Variants in TBC1D2B observed in about 807,000 individuals in gnomAD.
TBC1D2B encodes TBC1 domain family member 2B.
A neutral mutation model predicts 100.8 loss-of-function variants in TBC1D2B; 64 were observed. The ratio of observed to expected loss-of-function variants is 0.64; its 90% CI spans 0.52 to 0.78. The LOEUF (loss-of-function observed/expected upper bound fraction) is 0.78. Ranked by LOEUF, TBC1D2B falls within the 30% of genes least tolerant of loss-of-function variation. The pLI is 0.00. For synonymous variants in TBC1D2B, 480 were observed against 479.7 expected (o/e 1.00, Z -0.01); for missense variants, 1,052 against 1,218.4 (o/e 0.86, Z 2.03).
intron 7 of TBC1D2B, 65 bp from the exon 8 acceptor site, chr15:78,016,804 G>A (rs184240517): frequency 1.0e-5 from 14 of 1,339,094 alleles, no homozygotes; most frequent in African/African-American, 6.0e-5. Flanking sequence ...CTTTAGGTAC[G>A]CAAATGACCA....
chr15:77,998,694 C>A (rs959193581), intron 12 of TBC1D2B: 31 of 240,312 alleles, frequency 1.3e-4, no homozygotes, highest in African/African-American at 6.5e-4. Flanking sequence ...CGTGTTCCCA[C>A]ACATAAGCCC....
intron 1 of TBC1D2B, among the ~76,000 whole-genome samples, chr15:78,056,851 G>C (rs1002041477): frequency 9.2e-5 from 14 of 152,094 alleles, no homozygotes; most frequent in African/African-American, 3.4e-4. Flanking sequence ...GAATGTGCGT[G>C]TGTGGTCCTC....
At chr15:78,016,451 C>T in intron 8 of TBC1D2B, 95 bp downstream of exon 8, 1 of 1,167,334 alleles carries the variant, frequency 8.6e-7, no homozygotes, top group Non-Finnish European at 1.2e-6. Flanking sequence ...ATGAGACACA[C>T]AGTTGTGTAC....
chr15:78,022,574 T>C (rs762691271), intron 6 of TBC1D2B, among the ~76,000 whole-genome samples: 1 of 151,974 alleles, frequency 6.6e-6, no homozygotes, highest in Non-Finnish European at 1.5e-5. Flanking sequence ...CAACGGGGTC[T>C]CACTTTGTCA....
intron 1 of TBC1D2B, among the ~76,000 whole-genome samples, chr15:78,059,369 G>A (rs2073494368): frequency 6.6e-6 from 1 of 152,196 alleles, no homozygotes; most frequent in Non-Finnish European, 1.5e-5. Flanking sequence ...CAATACTGCT[G>A]AAATCCCAGG....
At chr15:78,047,163 CTT>C (rs540479850) in intron 2 of TBC1D2B, among the ~76,000 whole-genome samples, 47 of 136,836 alleles carry the variant, frequency 3.4e-4, no homozygotes, top group Non-Finnish European at 3.7e-4. Context: ...AGAGTATACA[CTT>C]TTTTTTTTTT....
At chr15:78,003,252 C>T (rs1488777706) in intron 11 of TBC1D2B, 53 bp downstream of exon 11, 4 of 1,541,152 alleles carry the variant, frequency 2.6e-6, no homozygotes, top group Non-Finnish European at 3.6e-6. Flanking sequence ...ACCAACGCTG[C>T]TGACGGTTGT....
chr15:78,005,935 AC>A (rs765807021), intron 10 of TBC1D2B, among the ~76,000 whole-genome samples: 3 of 152,236 alleles, frequency 2.0e-5, no homozygotes, highest in Non-Finnish European at 2.9e-5. Flanking sequence ...TAACAATACT[AC>A]CAACTTTTAT....
intron 3 of TBC1D2B, among the ~76,000 whole-genome samples, chr15:78,043,877 T>A (rs1317991786): frequency 6.6e-6 from 1 of 151,394 alleles, no homozygotes; most frequent in Non-Finnish European, 1.5e-5. Context: ...AATAAATAAA[T>A]AAAATATTAG....
chr15:78,058,137 A>ATG, intron 1 of TBC1D2B, among the ~76,000 whole-genome samples: 2 of 152,362 alleles, frequency 1.3e-5, no homozygotes, highest in South Asian at 4.1e-4. Flanking sequence ...TACTGGTTTA[A>ATG]TGTGGCTCAT....
Position 78,024,236 on chromosome 15 carries a change from C to G in TBC1D2B, c.1390G>C (p.Gly464Arg). The change falls in exon 6 of 13, where the codon GGG becomes CGG. Residue 464 changes from glycine (G) to arginine (R), a missense_variant. By Grantham distance (125) the Gly-to-Arg change is moderately radical. Around this residue, in one of 4 missense-constraint regions of TBC1D2B, gnomAD observed 627 missense variants for 646.1 expected, o/e 0.97. Coordinates refer to ENST00000300584, the MANE Select transcript of TBC1D2B (RefSeq NM_144572.2). The stretch of plus-strand genomic sequence containing the variant: ...CTGGGCGCCACGGTGGGAGGAGGCC[C>G]GTTGCCCTCGCCCTCGCTGAGCTTG... Reference protein sequence around the residue: ...IIKLSEGEGNGPPPTVAPSSP... With the variant: ...IIKLSEGEGNRPPPTVAPSSP... The G allele has an allele frequency of 6.8e-6, 11 of 1,613,932 alleles. No homozygotes were observed. Among genetic ancestry groups the G allele is most frequent in the Non-Finnish European group, 9.3e-6 (11 of 1,179,898 alleles).
At chr15:78,052,191 G>A (rs1178920503) in intron 2 of TBC1D2B, among the ~76,000 whole-genome samples, 1 of 152,082 alleles carries the variant, frequency 6.6e-6, no homozygotes. Flanking sequence ...GTTCAGCCCT[G>A]TCATCTGACT....
chr15:77,999,560 C>T (rs2071856029), intron 12 of TBC1D2B, among the ~76,000 whole-genome samples: 1 of 152,148 alleles, frequency 6.6e-6, no homozygotes, highest in South Asian at 2.1e-4. Flanking sequence ...TCCTGCCTGG[C>T]TCTGCAGACC....
At position 78,054,121 on chromosome 15, in the gene TBC1D2B, T is replaced by G. The variant is rs747718979; in HGVS notation, c.427A>C (p.Asn143His). ...TCCCACTTGACCATGTCAAGACTGT[T>G]ACAATATTCCCATCTCTTCTGCTGA... ...ELQQKRWEYC[N>H]SLDMVKWDSR... is the part of the protein sequence containing the mutation. The change falls in exon 2 of 13, where the codon AAC (asparagine) becomes CAC (histidine). Residue 143 changes from asparagine to histidine, a missense_variant. Around this residue, in one of 4 missense-constraint regions of TBC1D2B, gnomAD observed 627 missense variants for 646.1 expected, o/e 0.97. Transcript: ENST00000300584. The G allele has an allele frequency of 1.9e-6, 3 of 1,613,842 alleles. No homozygotes were observed. In the African/African-American group the frequency reaches 4.0e-5, roughly 22 times the overall value.
At chr15:78,016,471 C>T (rs1288680884) in intron 8 of TBC1D2B, 75 bp downstream of exon 8, 15 of 1,413,744 alleles carry the variant, frequency 1.1e-5, no homozygotes, top group East Asian at 7.2e-5. Flanking sequence ...CGGCTCTCTG[C>T]GAATGGTTCC....
chr15:78,012,671 T>C (rs929730867), intron 9 of TBC1D2B, among the ~76,000 whole-genome samples, 152 bp downstream of exon 9: 19 of 152,232 alleles, frequency 1.2e-4, no homozygotes, highest in African/African-American at 4.6e-4. Context: ...ACTGGGGATA[T>C]TGTGTAATGA....
At chr15:78,051,517 C>T (rs1306306990) in intron 2 of TBC1D2B, among the ~76,000 whole-genome samples, 2 of 152,218 alleles carry the variant, frequency 1.3e-5, no homozygotes, top group Non-Finnish European at 2.9e-5. Flanking sequence ...AGATATACAA[C>T]TAGCTATCAG....
At chr15:78,038,782 G>C (rs2073008173) in intron 3 of TBC1D2B, among the ~76,000 whole-genome samples, 1 of 152,180 alleles carries the variant, frequency 6.6e-6, no homozygotes, top group South Asian at 2.1e-4. Flanking sequence ...GCTGAGTCAT[G>C]GTGAAAGGTC....
At chr15:78,019,902 G>GC (rs541125827) in intron 6 of TBC1D2B, among the ~76,000 whole-genome samples, 20,197 of 142,946 alleles carry the variant, frequency 0.14, 1,689 homozygotes, top group Non-Finnish European at 0.19. Context: ...AAAAAAAAAA[G>GC]GGGGGGGGAG....
Sources: gnomAD v4.1 joint callset for allele counts (sites outside exome capture counted in the v4.1 genomes callset) on GRCh38, gnomAD v4.1.1 for gene constraint, gnomAD v4.1.1 regional missense constraint, MANE v1.5 for transcripts, NCBI Gene and HGNC (gene_info 2026-07-23, HGNC 2026-07-21) for gene names.